The following ALDH1A3 variants were observed in gnomAD, a reference collection of about 807,000 sequenced individuals.
The protein encoded by ALDH1A3 is retinaldehyde dehydrogenase 3.
Under a neutral mutation model 57.5 loss-of-function variants are expected in ALDH1A3, and 28 were observed. The ratio of observed to expected loss-of-function variants is 0.49; its 90% CI spans 0.36 to 0.67. ALDH1A3 has a LOEUF of 0.67. Among genes scored for constraint, ALDH1A3 ranks in the 30% least tolerant of loss-of-function variants. The probability of loss-of-function intolerance (pLI) is 0.00; values close to 1 mark genes in which losing one functional copy is unlikely to be tolerated. For missense variants in ALDH1A3, 507 were observed against 669.4 expected, an observed-to-expected ratio of 0.76 and a Z score of 2.68; for synonymous variants, 281 against 264.8, an observed-to-expected ratio of 1.06 and a Z score of -0.59.
Position 100,916,137 on chromosome 15 carries a change from G to A in ALDH1A3, c.*1364G>A, listed in dbSNP as rs944097679. On this transcript the variant is annotated 3_prime_UTR_variant, in exon 13 of 13. Coordinates refer to ENST00000329841, the MANE Select transcript of ALDH1A3 (RefSeq NM_000693.4). ...GTAACAGAACCAGTGTGTGTATAAC[G>A]AAAACCATGTATAAAATGGGCCTAT... The A allele has an allele frequency of 2.0e-5, 3 of 152,154 alleles. No homozygotes were observed. Among genetic ancestry groups the A allele is most frequent in the African/African-American group, 4.8e-5 (2 of 41,426 alleles). The allele number at this position is 152,154 out of a possible 1,614,324, so 9.4% of individuals were successfully genotyped here.
intron 7 of ALDH1A3, among the ~76,000 whole-genome samples, chr15:100,897,320 C>T (rs1340352568): frequency 6.6e-6 from 1 of 151,788 alleles, no homozygotes; most frequent in Non-Finnish European, 1.5e-5. Flanking sequence ...TCCGTGTCTG[C>T]ACTGGTCTCT....
intron 9 of ALDH1A3, among the ~76,000 whole-genome samples, chr15:100,901,568 G>T (rs2141564597): frequency 6.6e-6 from 1 of 152,326 alleles, no homozygotes; most frequent in East Asian, 1.9e-4. Flanking sequence ...CTGTGGATCT[G>T]AGCTCAGATT....
intron 3 of ALDH1A3, among the ~76,000 whole-genome samples, chr15:100,890,092 G>A (rs1319927900): frequency 6.6e-6 from 1 of 152,212 alleles, no homozygotes; most frequent in Non-Finnish European, 1.5e-5. Flanking sequence ...CCCCAACTCT[G>A]CTCTTTGGGC....
At chr15:100,890,736 G>T (rs1377804410) in intron 3 of ALDH1A3, among the ~76,000 whole-genome samples, 2 of 152,218 alleles carry the variant, frequency 1.3e-5, no homozygotes, top group Non-Finnish European at 1.5e-5. Context: ...AGTGCTGGAT[G>T]TTGAAGTCCT....
rs2041603320 is a variant in ALDH1A3, at chr15:100,887,173, A to G, written c.205-399A>G. On this transcript the variant is annotated intron_variant, in intron 2 of 12. Coordinates refer to ENST00000329841, the MANE Select transcript of ALDH1A3 (RefSeq NM_000693.4). The surrounding 1 kb of genome is among the most constrained non-coding windows in gnomAD (Gnocchi z 4.6). ...GCTCCCAGCCATTCAAGTGATTGAA[A>G]AACATGCTGCTGCTTGCAGCCTGTC... 6.6e-6 allele frequency among the ~76,000 whole-genome samples: 1 copy of G among 152,252 alleles called. No individual in the cohort carries two copies. The highest frequency in any genetic ancestry group is 1.5e-5 in the Non-Finnish European group (1 of 68,040).
rs77642169 is a variant in ALDH1A3, at chr15:100,895,688, C to T, written c.667-245C>T. ...GCATATCACTTTGGGATGGGGTCCC[C>T]CCCCAGAAGGAGAAGTGGGCATCTC... On this transcript the variant is annotated intron_variant, in intron 6 of 12. Coordinates refer to ENST00000329841, the MANE Select transcript of ALDH1A3 (RefSeq NM_000693.4). 8,468 of 554,710 alleles carry T rather than the reference C, an allele frequency of 0.015. 99 individuals are homozygous for T. Among genetic ancestry groups the T allele is most frequent in the Non-Finnish European group, 0.018 (5,690 of 308,004 alleles). The allele number at this position is 554,710 out of a possible 1,614,324, so 34.4% of individuals were successfully genotyped here. A position where few individuals can be genotyped will look rare whatever the true frequency, so the allele number is the denominator to read the frequency against.
In ALDH1A3 at chr15:100,914,217, G is replaced by A. The variant is rs144308342; in HGVS notation, c.1467-484G>A. ...TCAGGCCCTTGGTGTTCTTCCCACT[G>A]GTCCTCTGGCCACATCCCCAGCCAA... On this transcript the variant is annotated intron_variant, in intron 12 of 12. Coordinates refer to ENST00000329841, the MANE Select transcript of ALDH1A3 (RefSeq NM_000693.4). 356 of 154,222 alleles carry A rather than the reference G, an allele frequency of 2.3e-3. 2 individuals are homozygous for A. The highest frequency in any genetic ancestry group is 7.9e-3 in the African/African-American group (330 of 41,562). 9.6% of individuals were successfully genotyped at this position (154,222 alleles called of 1,614,324 possible). A position where few individuals can be genotyped will look rare whatever the true frequency, so the allele number is the denominator to read the frequency against.
At chr15:100,903,925 A>G (rs549827916) in intron 9 of ALDH1A3, among the ~76,000 whole-genome samples, 1 of 152,264 alleles carries the variant, frequency 6.6e-6, no homozygotes, top group African/African-American at 2.4e-5. Context: ...TGACTTGTTA[A>G]TATTTTTTCC....
At chr15:100,908,314 G>A in intron 11 of ALDH1A3, 94 bp from the exon 12 acceptor site, 1 of 1,032,682 alleles carries the variant, frequency 9.7e-7, no homozygotes, top group East Asian at 2.4e-5. Context: ...CTGTTTATTA[G>A]ACAATGCCCT....
chr15:100,893,704 T>G lies in ALDH1A3; in HGVS notation c.538-250T>G. 2.5e-6 allele frequency: 1 copy of G among 393,712 alleles called. No homozygotes were observed. Among genetic ancestry groups the G allele is most frequent in the Non-Finnish European group, 4.5e-6 (1 of 221,804 alleles). The allele number at this position is 393,712 out of a possible 1,614,324, so 24.4% of individuals were successfully genotyped here. A position where few individuals can be genotyped will look rare whatever the true frequency, so the allele number is the denominator to read the frequency against. Reference sequence around the variant, plus strand: ...GGAGGACACGTCTTCAGCAGATGTTTTAGAGGGAGAGGTAGAACACATGCA... The same window carrying G: ...GGAGGACACGTCTTCAGCAGATGTTGTAGAGGGAGAGGTAGAACACATGCA... On this transcript the variant is annotated intron_variant, in intron 5 of 12. Coordinates refer to ENST00000329841, the MANE Select transcript of ALDH1A3 (RefSeq NM_000693.4). This position sits in a 1 kb window ranked among gnomAD's most constrained non-coding sequence, Gnocchi z 4.8.
rs576156980 is a variant in ALDH1A3 at position 100,889,560 on chromosome 15, C to T, written c.345+1848C>T. On this transcript the variant is annotated intron_variant, in intron 3 of 12. Coordinates refer to ENST00000329841, the MANE Select transcript of ALDH1A3 (RefSeq NM_000693.4). This position sits in a 1 kb window ranked among gnomAD's most constrained non-coding sequence, Gnocchi z 5.1. ...TTTCAAAAACATTTCTGTTTTCACC[C>T]GGCATGAGCTCATCGGTCGGCAATG... 6.6e-6 allele frequency among the ~76,000 whole-genome samples: 1 copy of T among 152,192 alleles called. No homozygotes were observed. Among genetic ancestry groups the T allele is most frequent in the East Asian group, 1.9e-4 (1 of 5,190 alleles).
chr15:100,880,374 C>T lies in ALDH1A3; in HGVS notation c.99+368C>T, dbSNP rs540633402. Reference sequence around the variant, plus strand: ...GAGCGCGCTGGTTTTGGGGAGCTCCCTCCCCAAAAACCCCTGCGATGATTT... The same window carrying T: ...GAGCGCGCTGGTTTTGGGGAGCTCCTTCCCCAAAAACCCCTGCGATGATTT... On this transcript the variant is annotated intron_variant, in intron 1 of 12. Transcript: ENST00000329841. 12 of 372,810 alleles carry T rather than the reference C, an allele frequency of 3.2e-5. No individual in the cohort carries two copies. In the South Asian group the frequency reaches 1.8e-3, roughly 54 times the overall value. The allele number at this position is 372,810 out of a possible 1,614,324, so 23.1% of individuals were successfully genotyped here.
Position 100,879,851 on chromosome 15 carries a change from G to A in ALDH1A3, c.-57G>A. 7 of 1,271,452 alleles carry A rather than the reference G, an allele frequency of 5.5e-6. No homozygotes were observed. The highest frequency in any genetic ancestry group is 3.9e-5 in the Admixed American group (1 of 25,576). 78.8% of individuals were successfully genotyped at this position (1,271,452 alleles called of 1,614,324 possible). ...CCGGGAGCGGGCTGCGCAGTGTCCG[G>A]GCCGAGCCGGTGCGCCGCAGACTAG... On this transcript the variant is annotated 5_prime_UTR_variant, in exon 1 of 13. Transcript: ENST00000329841.
intron 1 of ALDH1A3, among the ~76,000 whole-genome samples, chr15:100,883,218 T>A: frequency 6.6e-6 from 1 of 152,054 alleles, no homozygotes; most frequent in South Asian, 2.1e-4. Context: ...TCACTGACAG[T>A]CTCTATTATC....
chr15:100,904,130 T>A (rs1400292081), intron 9 of ALDH1A3, among the ~76,000 whole-genome samples: 2 of 152,250 alleles, frequency 1.3e-5, no homozygotes, highest in Non-Finnish European at 2.9e-5. Flanking sequence ...TTTGATCTAT[T>A]TGGAGTTTGG....
At chr15:100,882,057 G>A (rs373915858) in intron 1 of ALDH1A3, among the ~76,000 whole-genome samples, 7 of 152,232 alleles carry the variant, frequency 4.6e-5, no homozygotes, top group African/African-American at 1.4e-4. Flanking sequence ...CGAGTGGCCC[G>A]GCAGGTGGGT....
chr15:100,880,496 G>T, intron 1 of ALDH1A3: 1 of 319,878 alleles, frequency 3.1e-6, no homozygotes, highest in Non-Finnish European at 5.7e-6. Flanking sequence ...TTGGAAGACT[G>T]GGGAAGCGGG....
intron 12 of ALDH1A3, chr15:100,914,338 G>A (rs111509612): frequency 8.6e-4 from 144 of 167,072 alleles, no homozygotes; most frequent in African/African-American, 2.9e-3. Context: ...CCCCTCCCTC[G>A]TTCACAGACA....
chr15:100,907,996 A>G (rs1488477242), intron 11 of ALDH1A3, among the ~76,000 whole-genome samples: 1 of 151,244 alleles, frequency 6.6e-6, no homozygotes, highest in Non-Finnish European at 1.5e-5. Context: ...CTACAGGTGC[A>G]CGCCACCACG....
Sources: allele counts gnomAD v4.1 joint callset (sites outside exome capture counted in the v4.1 genomes callset), GRCh38; gene constraint gnomAD v4.1.1; non-coding constraint Gnocchi (gnomAD v3.1); transcripts MANE v1.5; gene names NCBI Gene and HGNC (gene_info 2026-07-23, HGNC 2026-07-21).